Variants in SPAM1 observed in about 807,000 individuals in gnomAD.
SPAM1 encodes the protein hyaluronidase PH-20.
SPAM1 carries 22 observed loss-of-function variants against 29.6 expected under a neutral mutation model. The ratio of observed to expected loss-of-function variants is 0.74; its 90% CI spans 0.53 to 1.06. The LOEUF is 1.06. Ranked by LOEUF, SPAM1 falls within the 50% of genes least tolerant of loss-of-function variation. SPAM1 has a pLI of 0.00. For synonymous variants in SPAM1, 194 were observed against 204.6 expected, an observed-to-expected ratio of 0.95 and a Z score of 0.44; for missense variants, 534 against 604.0, an observed-to-expected ratio of 0.88 and a Z score of 1.21.
downstream of SPAM1, among the ~76,000 whole-genome samples, chr7:123,960,690 G>C (rs561313708): frequency 5.3e-5 from 8 of 151,606 alleles, no homozygotes; most frequent in South Asian, 1.7e-3. Context: ...TACCCCCCTA[G>C]AAACAAAAAG....
Position 123,954,220 on chromosome 7 carries a change from GT to G in SPAM1, c.652del (p.Tyr218IlefsTer24), listed in dbSNP as rs769135908. 1.9e-6 allele frequency: 3 copies of G among 1,613,388 alleles called. No individual in the cohort carries two copies. Among genetic ancestry groups the G allele is most frequent in the African/African-American group, 2.7e-5 (2 of 74,864 alleles). On this transcript the variant is annotated frameshift_variant, in exon 3 of 5. Coordinates refer to ENST00000682466, the MANE Select transcript of SPAM1 (RefSeq NM_153189.3). LOFTEE classifies it high-confidence loss of function. ...GKLLRPNHLW[G>X]YYLFPDCYNH... Reference sequence around the variant, plus strand: ...TTACTTCGGCCAAATCACTTGTGGGGTTATTATCTTTTTCCGGATTGTTACA... The same window carrying G: ...TTACTTCGGCCAAATCACTTGTGGGGTATTATCTTTTTCCGGATTGTTACA...
chr7:123,968,679 A>C (rs1246155955), intron 5 of SPAM1, among the ~76,000 whole-genome samples: 1 of 151,848 alleles, frequency 6.6e-6, no homozygotes, highest in Non-Finnish European at 1.5e-5. Flanking sequence ...AATAATAGAG[A>C]GAGATAGTAT....
At chr7:123,963,624 G>A (rs1210794535), downstream of SPAM1, among the ~76,000 whole-genome samples, 1 of 151,676 alleles carries the variant, frequency 6.6e-6, no homozygotes, top group Admixed American at 6.6e-5. Flanking sequence ...GCTTTTATAA[G>A]GGCATAAGGC....
chr7:123,963,199 T>C (rs1792383071), downstream of SPAM1, among the ~76,000 whole-genome samples: 1 of 151,912 alleles, frequency 6.6e-6, no homozygotes, highest in East Asian at 1.9e-4. Flanking sequence ...TTCCAATTAA[T>C]GATCTCACTA....
chr7:123,937,518 T>A (rs554459430), intron 1 of SPAM1, among the ~76,000 whole-genome samples: 1 of 148,994 alleles, frequency 6.7e-6, no homozygotes, highest in African/African-American at 2.5e-5. Context: ...GGAGAATGGA[T>A]TGAACCCGGG....
chr7:123,936,318 G>T (rs1584948877), intron 1 of SPAM1, among the ~76,000 whole-genome samples: 1 of 152,166 alleles, frequency 6.6e-6, no homozygotes, highest in Non-Finnish European at 1.5e-5. Context: ...GAAGATTAGG[G>T]TTATTGATTG....
chr7:123,932,075 A>G (rs949095662), intron 1 of SPAM1: 38 of 152,222 alleles, frequency 2.5e-4, no homozygotes, highest in African/African-American at 8.7e-4. Flanking sequence ...CTGGGAGAGA[A>G]AGGACGAATT....
intron 4 of SPAM1, among the ~76,000 whole-genome samples, chr7:123,958,224 C>T (rs1373300708): frequency 6.6e-6 from 1 of 152,010 alleles, no homozygotes; most frequent in Non-Finnish European, 1.5e-5. Context: ...CTACCACTGC[C>T]ACTTCCTTTG....
intron 5 of SPAM1, among the ~76,000 whole-genome samples, chr7:123,969,251 T>C (rs925279943): frequency 6.6e-6 from 1 of 152,090 alleles, no homozygotes; most frequent in Non-Finnish European, 1.5e-5. Flanking sequence ...CTCTTCACTC[T>C]GTTGGTTGTT....
At chr7:123,928,776 C>T (rs1039302873) in intron 1 of SPAM1, among the ~76,000 whole-genome samples, 1 of 152,098 alleles carries the variant, frequency 6.6e-6, no homozygotes, top group African/African-American at 2.4e-5. Context: ...TCCTTTCTTT[C>T]AAGTGCAGGA....
intron 1 of SPAM1, among the ~76,000 whole-genome samples, chr7:123,940,978 T>C (rs919432771): frequency 6.6e-6 from 1 of 152,238 alleles, no homozygotes; most frequent in African/African-American, 2.4e-5. Flanking sequence ...CTCTTACATA[T>C]ATTAATTCCT....
At chr7:123,934,483 T>C (rs1156856291) in intron 1 of SPAM1, among the ~76,000 whole-genome samples, 1 of 152,158 alleles carries the variant, frequency 6.6e-6, no homozygotes, top group Non-Finnish European at 1.5e-5. Flanking sequence ...GAACTCCCAC[T>C]ACTGGTTATA....
intron 1 of SPAM1, chr7:123,947,616 AC>A: frequency 6.6e-6 from 1 of 151,006 alleles, no homozygotes; most frequent in Non-Finnish European, 1.5e-5. Flanking sequence ...ACACACACAC[AC>A]ACAGACAGGT....
intron 1 of SPAM1, chr7:123,947,609 CACACACACACAG>C (rs1357320753): frequency 1.4e-4 from 21 of 151,028 alleles, no homozygotes; most frequent in African/African-American, 4.7e-4. Context: ...CACACACACA[CACACACACACAG>C]ACAGGTTCAC....
At chr7:123,968,337 G>T (rs1792455088) in intron 5 of SPAM1, among the ~76,000 whole-genome samples, 1 of 152,054 alleles carries the variant, frequency 6.6e-6, no homozygotes, top group Non-Finnish European at 1.5e-5. Flanking sequence ...CAACTTCCAG[G>T]TGTTGCCATG....
downstream of SPAM1, among the ~76,000 whole-genome samples, chr7:123,960,809 G>A (rs1295645235): frequency 6.6e-6 from 1 of 151,758 alleles, no homozygotes; most frequent in African/African-American, 2.4e-5. Flanking sequence ...TGAAAAAAAA[G>A]GAAAATGTTT....
Position 123,959,662 on chromosome 7 carries a change from A to T in SPAM1, c.1223A>T (p.Gln408Leu). 6.2e-7 allele frequency: 1 copy of T among 1,613,354 alleles called. No homozygotes were observed. Among genetic ancestry groups the T allele is most frequent in the Non-Finnish European group, 8.5e-7 (1 of 1,179,596 alleles). The change falls in exon 5 of 5, where the codon CAA (glutamine) becomes CTA (leucine). Residue 408 changes from glutamine to leucine, a missense_variant. Physicochemically the swap from Gln to Leu is moderately radical, Grantham distance 113. Coordinates refer to ENST00000682466, the MANE Select transcript of SPAM1 (RefSeq NM_153189.3). ...CTCAACCCAGATAATTTTGCTATTC[A>T]ACTTGAGAAAGGTGGAAAGTTCACA... The part of the protein sequence containing the change: ...LHLNPDNFAI[Q>L]LEKGGKFTVR...
intron 4 of SPAM1, among the ~76,000 whole-genome samples, chr7:123,955,679 T>C (rs1412252500): frequency 6.6e-6 from 1 of 152,034 alleles, no homozygotes; most frequent in African/African-American, 2.4e-5. Context: ...TCTTATTCTT[T>C]GGATAGAATA....
intron 1 of SPAM1, among the ~76,000 whole-genome samples, chr7:123,939,575 C>G (rs1485081547): frequency 6.6e-6 from 1 of 152,132 alleles, no homozygotes; most frequent in Non-Finnish European, 1.5e-5. Context: ...TTTACTTAAA[C>G]TCAAAGGACA....
Sources: gnomAD v4.1 joint callset for allele counts (sites outside exome capture counted in the v4.1 genomes callset) on GRCh38, gnomAD v4.1.1 for gene constraint, MANE v1.5 for transcripts, NCBI Gene and HGNC (gene_info 2026-07-23, HGNC 2026-07-21) for gene names.